The following SNX13 variants were observed in gnomAD, a reference collection of about 807,000 sequenced individuals.
SNX13 encodes the protein sorting nexin-13.
Under a neutral mutation model 133.6 loss-of-function variants are expected in SNX13, and 45 were observed. The observed-to-expected ratio is 0.34, with a 90% CI of 0.27 to 0.43. The LOEUF is 0.43. Ranked by LOEUF, SNX13 falls within the 20% of genes least tolerant of loss-of-function variation. The pLI is 1.00. For synonymous variants in SNX13, 414 were observed against 373.9 expected (o/e 1.11, Z -1.24); for missense variants, 1,032 against 1,145.1 (o/e 0.90, Z 1.43).
At chr7:17,872,148 C>T (rs1249402652) in intron 8 of SNX13, among the ~76,000 whole-genome samples, 2 of 152,124 alleles carry the variant, frequency 1.3e-5, no homozygotes, top group Non-Finnish European at 2.9e-5. Flanking sequence ...TTTGGAAAGG[C>T]GTTTAAAGCC....
chr7:17,930,324 C>G (rs954150153), intron 1 of SNX13, among the ~76,000 whole-genome samples: 1 of 152,094 alleles, frequency 6.6e-6, no homozygotes, highest in African/African-American at 2.4e-5. Flanking sequence ...AACTTAGATT[C>G]AAATCCAAAT....
chr7:17,831,986 A>T (rs1788542587), intron 15 of SNX13: 1 of 983,814 alleles, frequency 1.0e-6, no homozygotes, highest in Non-Finnish European at 1.2e-6. Flanking sequence ...GTTTCAAAAA[A>T]GGGATAGGTA....
intron 13 of SNX13, among the ~76,000 whole-genome samples, chr7:17,836,831 A>G (rs1365006257): frequency 1.3e-5 from 2 of 152,084 alleles, no homozygotes; most frequent in African/African-American, 2.4e-5. Context: ...GACTTTTTAA[A>G]AGACAAATGT....
At chr7:17,929,110 C>A (rs1185565185) in intron 1 of SNX13, among the ~76,000 whole-genome samples, 4 of 151,848 alleles carry the variant, frequency 2.6e-5, no homozygotes, top group Non-Finnish European at 5.9e-5. Context: ...GAGAAACTTG[C>A]AGGCCTGTAG....
chr7:17,819,477 T>G (rs1167778100), intron 18 of SNX13, among the ~76,000 whole-genome samples: 3 of 152,132 alleles, frequency 2.0e-5, no homozygotes, highest in African/African-American at 7.2e-5. Flanking sequence ...TCTGCCCACC[T>G]CAGCCTCCCA....
chr7:17,894,978 G>C (rs1797050281), intron 2 of SNX13, among the ~76,000 whole-genome samples: 1 of 152,078 alleles, frequency 6.6e-6, no homozygotes, highest in African/African-American at 2.4e-5. Flanking sequence ...GCTGGTCTCA[G>C]AATTACTGCT....
At position 17,792,016 on chromosome 7, in the gene SNX13, T is replaced by TTACA. The variant is rs1783595409; in HGVS notation, c.*2025_*2028dup. ...GGCTCTATTTTGAAAATTTGCAATA[T>TTACA]TACATGACCTTTATTTCCCTAATTG... is the stretch of plus-strand genomic sequence containing the variant. On this transcript the variant is annotated 3_prime_UTR_variant, in exon 26 of 26. Coordinates refer to ENST00000428135, the MANE Select transcript of SNX13 (RefSeq NM_015132.5). 6.6e-6 allele frequency: 1 copy of TTACA among 152,162 alleles called. No homozygotes were observed. The highest frequency in any genetic ancestry group is 2.4e-5 in the African/African-American group (1 of 41,458). 9.4% of individuals were successfully genotyped at this position (152,162 alleles called of 1,614,324 possible).
At chr7:17,822,637 C>G (rs1301316366) in intron 17 of SNX13, among the ~76,000 whole-genome samples, 2 of 152,094 alleles carry the variant, frequency 1.3e-5, no homozygotes, top group Non-Finnish European at 2.9e-5. Flanking sequence ...TTGGCTTTCT[C>G]TTATTGTGGT....
At chr7:17,797,945 T>C (rs1315687493) in intron 24 of SNX13, among the ~76,000 whole-genome samples, 2 of 151,820 alleles carry the variant, frequency 1.3e-5, no homozygotes, top group Non-Finnish European at 1.5e-5. Context: ...CAAAAATACC[T>C]ACCTCGAAAA....
intron 20 of SNX13, among the ~76,000 whole-genome samples, chr7:17,805,240 T>C (rs911081437): frequency 3.5e-4 from 41 of 116,058 alleles, no homozygotes; most frequent in African/African-American, 8.8e-4. Flanking sequence ...TGTGTGTGTG[T>C]GTGTGTGTGT....
intron 15 of SNX13, 110 bp from the exon 16 acceptor site, chr7:17,830,157 AT>A: frequency 1.2e-6 from 1 of 852,764 alleles, no homozygotes; most frequent in Non-Finnish European, 1.5e-6. Flanking sequence ...ATATAACATA[AT>A]AGTAAAAAAA....
At chr7:17,828,708 T>C (rs2030725) in intron 16 of SNX13, among the ~76,000 whole-genome samples, 93,388 of 151,286 alleles carry the variant, frequency 0.62, 30,402 homozygotes, top group African/African-American at 0.82. Flanking sequence ...CAAGTATGAC[T>C]GTTTTTTGAT....
chr7:17,905,752 T>C (rs992567401), intron 1 of SNX13, among the ~76,000 whole-genome samples: 2 of 152,186 alleles, frequency 1.3e-5, no homozygotes, highest in Non-Finnish European at 2.9e-5. Flanking sequence ...GAATATAAAA[T>C]AACATTTGTT....
intron 5 of SNX13, chr7:17,881,013 C>T (rs1347210919): frequency 1.3e-5 from 2 of 152,078 alleles, no homozygotes; most frequent in East Asian, 1.9e-4. Flanking sequence ...GCGATCTTCA[C>T]ATTCATGGCA....
chr7:17,806,839 C>T (rs1236976070), intron 20 of SNX13, among the ~76,000 whole-genome samples: 2 of 152,170 alleles, frequency 1.3e-5, no homozygotes, highest in Non-Finnish European at 1.5e-5. Flanking sequence ...TCGCGTCACG[C>T]GGGAAGTGGA....
chr7:17,857,022 C>CA (rs932886355), intron 9 of SNX13, among the ~76,000 whole-genome samples: 3 of 150,068 alleles, frequency 2.0e-5, no homozygotes, highest in Non-Finnish European at 4.4e-5. Flanking sequence ...AAAGAGGCAC[C>CA]AAAAAAAATA....
At chr7:17,912,218 G>A (rs1482540898) in intron 1 of SNX13, among the ~76,000 whole-genome samples, 1 of 152,142 alleles carries the variant, frequency 6.6e-6, no homozygotes, top group Non-Finnish European at 1.5e-5. Flanking sequence ...TGAAGCTCCA[G>A]TACATGAAAG....
rs1786913950 is a variant in SNX13 at position 17,818,392 on chromosome 7, G to A, written c.1846-2103C>T. Among the ~76,000 whole-genome samples the A allele has an allele frequency of 2.0e-5, 3 of 152,202 alleles. No homozygotes were observed. The Middle Eastern group carries it at 0.01, about 518-fold the overall frequency. On this transcript the variant is annotated intron_variant, in intron 18 of 25. Coordinates refer to ENST00000428135, the MANE Select transcript of SNX13 (RefSeq NM_015132.5). ...CCACAGTAACAGTTATTTTCTTAAA[G>A]CCTGAATTACCAAAATAAACTCCTT... is the stretch of plus-strand genomic sequence containing the variant.
At chr7:17,912,504 G>A (rs1199612152) in intron 1 of SNX13, among the ~76,000 whole-genome samples, 7 of 151,656 alleles carry the variant, frequency 4.6e-5, no homozygotes, top group African/African-American at 7.3e-5. Context: ...CCTGCCTCCC[G>A]GGTTCAAGTG....
Sources: allele counts gnomAD v4.1 joint callset (sites outside exome capture counted in the v4.1 genomes callset), GRCh38; gene constraint gnomAD v4.1.1; transcripts MANE v1.5; gene names NCBI Gene and HGNC (gene_info 2026-07-23, HGNC 2026-07-21).